Variants in TULP3 observed in about 807,000 individuals in gnomAD.
TULP3 encodes the protein TUB like protein 3, also known as tubby-related protein 3.
A neutral mutation model predicts 50.7 loss-of-function variants in TULP3; 38 were observed. The ratio of observed to expected loss-of-function variants is 0.75; its 90% CI spans 0.58 to 0.98. The LOEUF (loss-of-function observed/expected upper bound fraction) is 0.98. TULP3 is among the 50% of genes least tolerant of loss of function. TULP3 has a pLI of 0.00. For missense variants in TULP3, 550 were observed against 568.0 expected, an observed-to-expected ratio of 0.97 and a Z score of 0.32; for synonymous variants, 183 against 196.6, an observed-to-expected ratio of 0.93 and a Z score of 0.58.
At chr12:2,929,335 G>T (rs1403593787) in intron 4 of TULP3, among the ~76,000 whole-genome samples, 2 of 152,062 alleles carry the variant, frequency 1.3e-5, no homozygotes, top group Non-Finnish European at 2.9e-5. Context: ...AAAGAGTTCG[G>T]GTGTAATTCT....
chr12:2,897,450 G>GT (rs2098176169), intron 1 of TULP3, among the ~76,000 whole-genome samples: 1 of 152,102 alleles, frequency 6.6e-6, no homozygotes, highest in Non-Finnish European at 1.5e-5. Context: ...ACATTCATTT[G>GT]TAGTATTAAG....
intron 1 of TULP3, among the ~76,000 whole-genome samples, chr12:2,903,974 G>A (rs2098180766): frequency 6.6e-6 from 1 of 152,042 alleles, no homozygotes; most frequent in African/African-American, 2.4e-5. Context: ...AGCAGAGACG[G>A]GGTTTCACTG....
intron 7 of TULP3, 30 bp from the exon 8 acceptor site, chr12:2,934,417 C>A: frequency 1.4e-6 from 2 of 1,444,300 alleles, no homozygotes; most frequent in Admixed American, 2.3e-5. Flanking sequence ...AAATACAGAT[C>A]ATCATGGTGA....
chr12:2,936,717 C>T lies in TULP3; in HGVS notation c.925-914C>T, dbSNP rs141427492. Among the ~76,000 whole-genome samples the T allele has an allele frequency of 2.5e-3, 373 of 151,966 alleles. 1 individual carries two copies. The highest frequency in any genetic ancestry group is 0.013 in the South Asian group (64 of 4,800). ...TGAGCTGAGATTGTGCCATTATACT[C>T]CAGCCTGGGCAACAAGAGTGAAACT... is the stretch of plus-strand genomic sequence containing the variant. On this transcript the variant is annotated intron_variant, in intron 8 of 10. Transcript: ENST00000448120.
chr12:2,905,911 G>A (rs572949232), intron 1 of TULP3, among the ~76,000 whole-genome samples: 1 of 151,816 alleles, frequency 6.6e-6, no homozygotes, highest in Non-Finnish European at 1.5e-5. Context: ...AGAACAGAGT[G>A]CAGATTTGTA....
chr12:2,913,413 A>G (rs537097230), intron 2 of TULP3, among the ~76,000 whole-genome samples: 1 of 150,876 alleles, frequency 6.6e-6, no homozygotes, highest in African/African-American at 2.4e-5. Context: ...ACACTTGGCT[A>G]ATTTTTCTTT....
At chr12:2,906,095 A>G (rs2098182061) in intron 1 of TULP3, among the ~76,000 whole-genome samples, 1 of 147,798 alleles carries the variant, frequency 6.8e-6, no homozygotes, top group African/African-American at 2.5e-5. Flanking sequence ...CAGTGACGCC[A>G]TCTTGGGTCA....
chr12:2,918,028 G>A (rs1244465905), intron 2 of TULP3, among the ~76,000 whole-genome samples: 1 of 151,474 alleles, frequency 6.6e-6, no homozygotes, highest in East Asian at 2.0e-4. Context: ...GGCAGAGATT[G>A]CAAGTGAGTT....
At chr12:2,910,708 G>C (rs1184916242) in intron 2 of TULP3, among the ~76,000 whole-genome samples, 1 of 152,114 alleles carries the variant, frequency 6.6e-6, no homozygotes, top group African/African-American at 2.4e-5. Context: ...CTAATAATGG[G>C]ACTTCTAGCC....
intron 6 of TULP3, among the ~76,000 whole-genome samples, chr12:2,932,116 A>G (rs1459356323): frequency 2.0e-5 from 3 of 152,220 alleles, no homozygotes; most frequent in African/African-American, 7.2e-5. Context: ...TATTCATGCC[A>G]TTGAGGTCAC....
intron 1 of TULP3, among the ~76,000 whole-genome samples, chr12:2,898,079 C>CAAAA (rs59718569): frequency 0.18 from 16,958 of 92,578 alleles, 1,595 homozygotes; most frequent in East Asian, 0.28. Context: ...AACTAGATCT[C>CAAAA]AAAAAAAAAA....
intron 1 of TULP3, among the ~76,000 whole-genome samples, chr12:2,905,924 A>C (rs2098181938): frequency 3.3e-5 from 5 of 151,952 alleles, no homozygotes; most frequent in African/African-American, 1.2e-4. Flanking sequence ...GATTTGTAGC[A>C]GCAGCTGTTT....
At chr12:2,933,614 AC>A (rs1314191778) in intron 7 of TULP3, 84 bp downstream of exon 7, 22 of 796,742 alleles carry the variant, frequency 2.8e-5, no homozygotes, top group Non-Finnish European at 4.4e-5. Context: ...CTTGGTTACA[AC>A]TAGCATGTAT....
chr12:2,892,358 G>A (rs542832492), intron 1 of TULP3, among the ~76,000 whole-genome samples: 51 of 152,100 alleles, frequency 3.4e-4, no homozygotes, highest in African/African-American at 1.2e-3. Flanking sequence ...GTTGAATTCC[G>A]AAAATATTTG....
At chr12:2,930,891 A>T (rs999815815) in intron 5 of TULP3, 146 bp from the exon 6 acceptor site, 1 of 853,928 alleles carries the variant, frequency 1.2e-6, no homozygotes, top group Admixed American at 2.0e-5. Context: ...TCATATACTT[A>T]ATTTAACTTT....
At chr12:2,921,190 G>A (rs575486213) in intron 3 of TULP3, among the ~76,000 whole-genome samples, 1 of 152,246 alleles carries the variant, frequency 6.6e-6, no homozygotes, top group African/African-American at 2.4e-5. Context: ...CCAGGCTGGA[G>A]TGCAATGGCG....
At position 2,925,166 on chromosome 12, in the gene TULP3, C is replaced by A. The variant is rs181095504; in HGVS notation, c.394+2764C>A. On this transcript the variant is annotated intron_variant, in intron 4 of 10. Coordinates refer to ENST00000448120, the MANE Select transcript of TULP3 (RefSeq NM_003324.5). The stretch of plus-strand genomic sequence containing the variant: ...CTGGGCGACGGAGCAAGACTCCGTC[C>A]GTCTCAAAAAAAAAAAGAGCAGTAA... Among the ~76,000 whole-genome samples, 8 of 150,456 alleles carry A rather than the reference C, an allele frequency of 5.3e-5. No homozygotes were observed. In the East Asian group the frequency reaches 1.6e-3, roughly 29 times the overall value.
In TULP3 at chr12:2,937,635, C is replaced by T. The variant is rs1185351704; in HGVS notation, c.929C>T (p.Thr310Ile). 48 of 1,609,088 alleles carry T rather than the reference C, an allele frequency of 3.0e-5. No individual in the cohort carries two copies. Among genetic ancestry groups the T allele is most frequent in the Non-Finnish European group, 4.1e-5 (48 of 1,177,284 alleles). ...CTTTGTTTTCCTATCTTCCAGGAAA[C>T]AAACGTACTTGGATTTAAAGGTCCT... is the stretch of plus-strand genomic sequence containing the variant. ...RQELAAISYE[T>I]NVLGFKGPRK... is the part of the protein sequence containing the mutation. The change falls in exon 9 of 11, where the codon ACA becomes ATA. Residue 310 changes from threonine to isoleucine, a missense_variant. Coordinates refer to ENST00000448120, the MANE Select transcript of TULP3 (RefSeq NM_003324.5).
intron 2 of TULP3, among the ~76,000 whole-genome samples, chr12:2,911,913 C>G (rs1045496610): frequency 6.6e-6 from 1 of 151,430 alleles, no homozygotes; most frequent in African/African-American, 2.4e-5. Context: ...CCCTTGACCT[C>G]AAGTGTTTTA....
Sources: gnomAD v4.1 joint callset for allele counts (sites outside exome capture counted in the v4.1 genomes callset) on GRCh38, gnomAD v4.1.1 for gene constraint, MANE v1.5 for transcripts, NCBI Gene and HGNC (gene_info 2026-07-23, HGNC 2026-07-21) for gene names.